FAAH2: variants seen among roughly 807,000 people sequenced by gnomAD.
FAAH2 encodes fatty acid amide hydrolase 2.
FAAH2 carries 60 observed loss-of-function variants against 36.9 expected under a neutral mutation model. The observed-to-expected ratio is 1.63, with a 90% CI of 1.32 to 2.02. The LOEUF (loss-of-function observed/expected upper bound fraction) is 2.02, where lower values mean the gene tolerates loss of function less well. Among genes scored for constraint, FAAH2 ranks in the 30% most tolerant of loss-of-function variants. The pLI, the probability that FAAH2 is intolerant of heterozygous loss-of-function variation, is 0.00. For synonymous variants in FAAH2, 214 were observed against 143.8 expected, an observed-to-expected ratio of 1.49 and a Z score of -3.49; for missense variants, 689 against 397.5, an observed-to-expected ratio of 1.73 and a Z score of -6.23.
At chrX:57,154,781 T>C in the FAAH2 span, among the ~76,000 whole-genome samples, 19 of 110,799 alleles carry the variant, frequency 1.7e-4, no homozygotes, top group Non-Finnish European at 1.9e-5. Context: ...TTTTTTTAAT[T>C]TCTTCTCATT....
At chrX:57,230,284 A>G in the FAAH2 span, among the ~76,000 whole-genome samples, 1 of 112,210 alleles carries the variant, frequency 8.9e-6, no homozygotes, top group Non-Finnish European at 1.9e-5. Flanking sequence ...CATGTGACTC[A>G]GGAAAACTAA....
At chrX:57,408,120 A>G (rs2147328118) in intron 7 of FAAH2, among the ~76,000 whole-genome samples, 1 of 110,972 alleles carries the variant, frequency 9.0e-6, no homozygotes, top group African/African-American at 3.3e-5. Flanking sequence ...TATTTTGATA[A>G]AGATTGCTTA....
the FAAH2 span, among the ~76,000 whole-genome samples, chrX:57,151,844 G>C: frequency 1.8e-5 from 2 of 111,449 alleles, no homozygotes; most frequent in Non-Finnish European, 3.8e-5. Flanking sequence ...CTGCTTTTTA[G>C]AGTTTCCAGT....
chrX:57,301,877 C>T (rs1401321054), intron 2 of FAAH2, among the ~76,000 whole-genome samples: 1 of 111,416 alleles, frequency 9.0e-6, no homozygotes, highest in African/African-American at 3.3e-5. Context: ...CAGTAAGTAA[C>T]GAATTAATAT....
At chrX:57,436,377 G>A (rs1223727540) in intron 8 of FAAH2, among the ~76,000 whole-genome samples, 2 of 108,812 alleles carry the variant, frequency 1.8e-5, no homozygotes, top group African/African-American at 6.7e-5. Context: ...AATTCTAGTA[G>A]AACTAAGTAA....
intron 10 of FAAH2, among the ~76,000 whole-genome samples, chrX:57,475,016 A>G (rs189449389): frequency 1.1e-3 from 124 of 111,890 alleles, no homozygotes; most frequent in African/African-American, 3.9e-3. Context: ...GTGTCTGTTC[A>G]TATCCTTCAC....
intron 8 of FAAH2, among the ~76,000 whole-genome samples, chrX:57,439,324 G>A (rs1236401424): frequency 9.0e-6 from 1 of 111,320 alleles, no homozygotes; most frequent in Non-Finnish European, 1.9e-5. Context: ...TCTCATTGTG[G>A]TTTTGATTTG....
intron 10 of FAAH2, among the ~76,000 whole-genome samples, chrX:57,476,734 T>C (rs2057276886): frequency 1.8e-5 from 2 of 111,551 alleles, no homozygotes; most frequent in Admixed American, 1.9e-4. Context: ...TCTTATTCTA[T>C]TGTTTGGAAT....
intron 7 of FAAH2, among the ~76,000 whole-genome samples, chrX:57,427,445 TAGAAG>T (rs1405607067): frequency 1.8e-5 from 2 of 110,248 alleles, no homozygotes; most frequent in South Asian, 3.8e-4. Flanking sequence ...CATATGAAAA[TAGAAG>T]AGAAAAGAAA....
chrX:57,428,914 C>G (rs1323873415), intron 7 of FAAH2, among the ~76,000 whole-genome samples: 1 of 111,763 alleles, frequency 8.9e-6, no homozygotes, highest in Non-Finnish European at 1.9e-5. Context: ...TTCTTTACAA[C>G]AAAAGAAATT....
At chrX:57,154,570 G>A in the FAAH2 span, among the ~76,000 whole-genome samples, 54 of 110,178 alleles carry the variant, frequency 4.9e-4, no homozygotes, top group African/African-American at 1.7e-3. Context: ...ACCACACCTG[G>A]CCTTGTTGTA....
the FAAH2 span, among the ~76,000 whole-genome samples, chrX:57,147,481 A>C: frequency 1.8e-5 from 2 of 111,327 alleles, no homozygotes; most frequent in African/African-American, 6.5e-5. Context: ...TGGTTTATCA[A>C]TTTTATTTAT....
At chrX:57,352,097 T>TATATATAC (rs2054032351) in intron 5 of FAAH2, among the ~76,000 whole-genome samples, 3 of 1,014 alleles carry the variant, frequency 3.0e-3, no homozygotes, top group African/African-American at 3.9e-3. Flanking sequence ...TATATGCACA[T>TATATATAC]ATATATATAT....
chrX:57,140,885 A>G, the FAAH2 span, among the ~76,000 whole-genome samples: 12 of 111,628 alleles, frequency 1.1e-4, no homozygotes, highest in Non-Finnish European at 1.9e-4. Context: ...TATGTTAGCT[A>G]TTTGGGTGAT....
chrX:57,210,103 C>T, the FAAH2 span, among the ~76,000 whole-genome samples: 2 of 110,781 alleles, frequency 1.8e-5, no homozygotes, highest in African/African-American at 6.6e-5. Context: ...CAGTGCTTCT[C>T]AGTGGTGTAG....
intron 2 of FAAH2, among the ~76,000 whole-genome samples, chrX:57,307,117 A>C (rs1364463792): frequency 5.1e-5 from 5 of 98,994 alleles, no homozygotes; most frequent in Non-Finnish European, 1.0e-4. Context: ...CAGAGAACAA[A>C]GGCTAGACAA....
chrX:57,475,869 T>C (rs1277654356), intron 10 of FAAH2, among the ~76,000 whole-genome samples: 1 of 111,799 alleles, frequency 8.9e-6, no homozygotes, highest in Non-Finnish European at 1.9e-5. Flanking sequence ...CTTATTTCCT[T>C]GAGCAGTGTT....
intron 3 of FAAH2, among the ~76,000 whole-genome samples, chrX:57,317,695 C>T (rs1304490703): frequency 8.9e-6 from 1 of 111,792 alleles, no homozygotes; most frequent in South Asian, 3.7e-4. Flanking sequence ...CTCTCCACCC[C>T]AAATCAACAG....
the FAAH2 span, among the ~76,000 whole-genome samples, chrX:57,276,363 C>A: frequency 8.9e-6 from 1 of 111,907 alleles, no homozygotes; most frequent in Non-Finnish European, 1.9e-5. Context: ...TAAAGATGTT[C>A]TCTGAAACCA....
Sources: gnomAD v4.1 joint callset for allele counts (sites outside exome capture counted in the v4.1 genomes callset) on GRCh38, gnomAD v4.1.1 for gene constraint, MANE v1.5 for transcripts, NCBI Gene and HGNC (gene_info 2026-07-23, HGNC 2026-07-21) for gene names.